Variants in NFIX observed in about 807,000 individuals in gnomAD.
The protein encoded by NFIX is nuclear factor I X.
A neutral mutation model predicts 53.3 loss-of-function variants in NFIX; 2 were observed. The ratio of observed to expected loss-of-function variants is 0.04; its 90% CI spans 0.02 to 0.12. NFIX has a LOEUF of 0.12. Among genes scored for constraint, NFIX ranks in the 10% least tolerant of loss-of-function variants. NFIX has a pLI of 1.00. For missense variants in NFIX, 310 were observed against 674.5 expected, an observed-to-expected ratio of 0.46 and a Z score of 5.99; for synonymous variants, 244 against 289.0, an observed-to-expected ratio of 0.84 and a Z score of 1.58.
intron 1 of NFIX, chr19:13,024,568 C>T (rs982544724): frequency 1.1e-5 from 17 of 1,534,426 alleles, no homozygotes; most frequent in Middle Eastern, 3.4e-4. Context: ...TGTGCGTCCA[C>T]GGGCGTCTGT....
chr19:13,027,604 C>T lies in NFIX; in HGVS notation c.559+2052C>T, dbSNP rs2013470245. Among the ~76,000 whole-genome samples, 1 of 152,170 alleles carries T rather than the reference C, an allele frequency of 6.6e-6. No homozygotes were observed. Among genetic ancestry groups the T allele is most frequent in the Non-Finnish European group, 1.5e-5 (1 of 68,034 alleles). ...CTCCAACCCCGCTCTCTGACTGGAT[C>T]CTTGTAGCTGAGTTGTTTCCCTGGC... On this transcript the variant is annotated intron_variant, in intron 2 of 10. Transcript: ENST00000592199. This position sits in a 1 kb window ranked among gnomAD's most constrained non-coding sequence, Gnocchi z 4.3.
At chr19:13,016,446 A>C (rs573711893) in intron 1 of NFIX, among the ~76,000 whole-genome samples, 4 of 152,286 alleles carry the variant, frequency 2.6e-5, no homozygotes, top group African/African-American at 9.6e-5. Flanking sequence ...GGTGAGGAGT[A>C]AGTTACTTGC....
At chr19:13,077,072 G>A (rs1000888441) in intron 6 of NFIX, among the ~76,000 whole-genome samples, 5 of 152,116 alleles carry the variant, frequency 3.3e-5, no homozygotes, top group Admixed American at 1.3e-4. Flanking sequence ...AGACTCTTGG[G>A]CTACATCCTG....
intron 2 of NFIX, among the ~76,000 whole-genome samples, chr19:13,039,637 C>A (rs1400772690): frequency 6.6e-6 from 1 of 152,184 alleles, no homozygotes; most frequent in Non-Finnish European, 1.5e-5. Context: ...CAGAGGGGAG[C>A]AATCTGCTGG....
rs1190123286 is a variant in NFIX at position 13,013,323 on chromosome 19, C to G, written c.28-11698C>G. On this transcript the variant is annotated intron_variant, in intron 1 of 10. Coordinates refer to ENST00000592199, the MANE Select transcript of NFIX (RefSeq NM_001365902.3). The surrounding 1 kb of genome is among the most constrained non-coding windows in gnomAD (Gnocchi z 5.9). ...CGTCGGGCTGAAGTCCCCCGAGCCA[C>G]CCCTGGAGCCAGAGCAGCCCCCGAG... Among the ~76,000 whole-genome samples the G allele has an allele frequency of 6.6e-6, 1 of 152,194 alleles. No homozygotes were observed. The highest frequency in any genetic ancestry group is 1.5e-5 in the Non-Finnish European group (1 of 68,036).
rs957389281 is a variant in NFIX, at chr19:13,009,195, G to A, written c.27+13331G>A. On this transcript the variant is annotated intron_variant, in intron 1 of 10. Coordinates refer to ENST00000592199, the MANE Select transcript of NFIX (RefSeq NM_001365902.3). This position sits in a 1 kb window ranked among gnomAD's most constrained non-coding sequence, Gnocchi z 4.7. The stretch of plus-strand genomic sequence containing the variant: ...CACACACACACACAGCGGCACAGTC[G>A]CACACACAGCCAGCCTCACGCGATC... 7.0e-4 allele frequency among the ~76,000 whole-genome samples: 107 copies of A among 152,134 alleles called. 1 individual carries two copies. Among genetic ancestry groups the A allele is most frequent in the East Asian group, 1.9e-4 (1 of 5,170 alleles).
In NFIX at chr19:13,045,541, C is replaced by T. The variant is rs142991170; in HGVS notation, c.559+19989C>T. Among the ~76,000 whole-genome samples, 1,747 of 152,212 alleles carry T rather than the reference C, an allele frequency of 0.011. 21 individuals are homozygous for T. The highest frequency in any genetic ancestry group is 0.04 in the African/African-American group (1,663 of 41,504). On this transcript the variant is annotated intron_variant, in intron 2 of 10. Transcript: ENST00000592199. The surrounding 1 kb of genome is among the most constrained non-coding windows in gnomAD (Gnocchi z 4.4). ...CCCTGACTGAGGCCAAGGAAAGGAA[C>T]GGCAGCAGGGCAAGCCAGGCCCAAG...
In NFIX at chr19:13,002,221, T is replaced by TCTCCTCCC. The variant is rs904164969; in HGVS notation, c.27+6374_27+6381dup. ...TTTCTCTCTCTCTCTTTCCTCCCTC[T>TCTCCTCCC]CTCCTCCCCTCCTCCCCTCCTCCCG... On this transcript the variant is annotated intron_variant, in intron 1 of 10. Coordinates refer to ENST00000592199, the MANE Select transcript of NFIX (RefSeq NM_001365902.3). This position sits in a 1 kb window ranked among gnomAD's most constrained non-coding sequence, Gnocchi z 6.1. Among the ~76,000 whole-genome samples the TCTCCTCCC allele has an allele frequency of 6.8e-6, 1 of 147,596 alleles. No individual in the cohort carries two copies. The highest frequency in any genetic ancestry group is 2.0e-4 in the East Asian group (1 of 4,964).
At position 13,094,733 on chromosome 19, in the gene NFIX, C is replaced by T; in HGVS notation, c.*84C>T. ...AGAAATTTTGAGAATGGAAAAATCCCCCAGCCCAGCCCAGCCCCACCGAAA... is the reference window on the plus strand; with the variant it reads ...AGAAATTTTGAGAATGGAAAAATCCTCCAGCCCAGCCCAGCCCCACCGAAA... On this transcript the variant is annotated 3_prime_UTR_variant, in exon 11 of 11. Coordinates refer to ENST00000592199, the MANE Select transcript of NFIX (RefSeq NM_001365902.3). The surrounding 1 kb of genome is among the most constrained non-coding windows in gnomAD (Gnocchi z 4.3). The T allele has an allele frequency of 7.4e-7, 1 of 1,346,442 alleles. No individual in the cohort carries two copies. Among genetic ancestry groups the T allele is most frequent in the South Asian group, 1.3e-5 (1 of 79,168 alleles). The allele number at this position is 1,346,442 out of a possible 1,614,324, so 83.4% of individuals were successfully genotyped here. A position where few individuals can be genotyped will look rare whatever the true frequency, so the allele number is the denominator to read the frequency against.
At chr19:13,086,496 C>T (rs1035229151) in intron 8 of NFIX, among the ~76,000 whole-genome samples, 6 of 152,176 alleles carry the variant, frequency 3.9e-5, no homozygotes, top group African/African-American at 1.2e-4. Context: ...ATAGAGCTTC[C>T]TTTGTGGCAA....
rs542809213 is a variant in NFIX, at chr19:13,060,318, C to T, written c.560-12729C>T. Among the ~76,000 whole-genome samples, 37 of 152,354 alleles carry T rather than the reference C, an allele frequency of 2.4e-4. No individual in the cohort carries two copies. The highest frequency in any genetic ancestry group is 5.0e-4 in the Non-Finnish European group (34 of 68,030). On this transcript the variant is annotated intron_variant, in intron 2 of 10. Transcript: ENST00000592199. The surrounding 1 kb of genome is among the most constrained non-coding windows in gnomAD (Gnocchi z 4.3). ...AAGCCTTGGATGGGCCATTCCTGGC[C>T]CAGAGCCTGAGGCCATTGGAAAGGG...
intron 2 of NFIX, among the ~76,000 whole-genome samples, chr19:13,046,353 C>T (rs896954440): frequency 1.1e-3 from 160 of 152,196 alleles, no homozygotes; most frequent in African/African-American, 3.6e-3. Flanking sequence ...GATGCCCTCC[C>T]AGCCCTTGGG....
rs1175326655 is a variant in NFIX, at chr19:13,081,169, G to T, written c.1079-511G>T. The stretch of plus-strand genomic sequence containing the variant: ...AAAAAGCAAAAATCTACCAGGCCTG[G>T]TGGCGTGCACCTGTAGTGCTGGTTA... On this transcript the variant is annotated intron_variant, in intron 7 of 10. Coordinates refer to ENST00000592199, the MANE Select transcript of NFIX (RefSeq NM_001365902.3). This position sits in a 1 kb window ranked among gnomAD's most constrained non-coding sequence, Gnocchi z 4.7. 6.6e-6 allele frequency among the ~76,000 whole-genome samples: 1 copy of T among 151,950 alleles called. No homozygotes were observed. Among genetic ancestry groups the T allele is most frequent in the Non-Finnish European group, 1.5e-5 (1 of 68,006 alleles).
Position 13,096,271 on chromosome 19 carries a change from A to G in NFIX, c.*1622A>G, listed in dbSNP as rs970220419. The G allele has an allele frequency of 6.5e-6, 1 of 152,692 alleles. No homozygotes were observed. 9.5% of individuals were successfully genotyped at this position (152,692 alleles called of 1,614,324 possible). ...CACAGGTCAGGATCCTCTGAGAGAAAATCAACATTGCACCACGTAGGGGTG... is the reference window on the plus strand; with the variant it reads ...CACAGGTCAGGATCCTCTGAGAGAAGATCAACATTGCACCACGTAGGGGTG... On this transcript the variant is annotated 3_prime_UTR_variant, in exon 11 of 11. Coordinates refer to ENST00000592199, the MANE Select transcript of NFIX (RefSeq NM_001365902.3).
intron 1 of NFIX, among the ~76,000 whole-genome samples, chr19:13,015,889 A>G (rs1051814077): frequency 2.0e-5 from 3 of 152,222 alleles, no homozygotes; most frequent in Non-Finnish European, 4.4e-5. Context: ...GGTCACATGA[A>G]TAGCACACTC....
At chr19:13,031,590 G>A (rs1358724548) in intron 2 of NFIX, among the ~76,000 whole-genome samples, 2 of 152,172 alleles carry the variant, frequency 1.3e-5, no homozygotes, top group African/African-American at 2.4e-5. Flanking sequence ...AGAGAATCTT[G>A]CGTGTACCTG....
chr19:13,018,152 G>A (rs2012763974), intron 1 of NFIX, among the ~76,000 whole-genome samples: 2 of 152,228 alleles, frequency 1.3e-5, no homozygotes, highest in South Asian at 4.1e-4. Context: ...ATTTCCAGTT[G>A]CCTTAGAGAG....
rs753000472 is a variant in NFIX, at chr19:13,067,463, CGTGT to C, written c.560-5568_560-5565del. On this transcript the variant is annotated intron_variant, in intron 2 of 10. Transcript: ENST00000592199. The surrounding 1 kb of genome is among the most constrained non-coding windows in gnomAD (Gnocchi z 4.2). ...AGTGGCACCTCCGTGTGTGTGCGCG[CGTGT>C]GTGTGTGTGTGTGTGCGTGTGTGTG... Among the ~76,000 whole-genome samples the C allele has an allele frequency of 2.5e-3, 330 of 131,068 alleles. No homozygotes were observed. The highest frequency in any genetic ancestry group is 2.7e-3 in the African/African-American group (91 of 33,416). 86.0% of individuals were successfully genotyped at this position (131,068 alleles called of 152,430 possible).
At position 13,014,291 on chromosome 19, in the gene NFIX, G is replaced by A. The variant is rs894462915; in HGVS notation, c.28-10730G>A. ...CTTGCGGCCGGCCGTTCTTCTCCCC[G>A]AGTTGGAGACAGCCCTCTCCTCTTC... On this transcript the variant is annotated intron_variant, in intron 1 of 10. Transcript: ENST00000592199. This position sits in a 1 kb window ranked among gnomAD's most constrained non-coding sequence, Gnocchi z 4.4. The A allele has an allele frequency of 6.6e-6, 1 of 152,130 alleles. No individual in the cohort carries two copies. Among genetic ancestry groups the A allele is most frequent in the Admixed American group, 6.5e-5 (1 of 15,272 alleles). The allele number at this position is 152,130 out of a possible 1,614,324, so 9.4% of individuals were successfully genotyped here.
Sources: allele counts gnomAD v4.1 joint callset (sites outside exome capture counted in the v4.1 genomes callset), GRCh38; gene constraint gnomAD v4.1.1; non-coding constraint Gnocchi (gnomAD v3.1); transcripts MANE v1.5; gene names NCBI Gene and HGNC (gene_info 2026-07-23, HGNC 2026-07-21).